DRC9: variants seen among roughly 807,000 people sequenced by gnomAD.
DRC9 encodes the protein dynein regulatory complex subunit 9.
At chr3:197,945,663 A>G in the DRC9 span, 1 of 1,541,694 alleles carries the variant, frequency 6.5e-7, no homozygotes, top group Non-Finnish European at 8.8e-7. Flanking sequence ...TGGTATATTT[A>G]TAATCTCACA....
chr3:197,908,479 A>C, the DRC9 span, among the ~76,000 whole-genome samples: 1 of 148,910 alleles, frequency 6.7e-6, no homozygotes, highest in African/African-American at 2.5e-5. Context: ...TCCCAGATGA[A>C]GTTATCACAG....
chr3:197,921,926 A>G, the DRC9 span, among the ~76,000 whole-genome samples: 1 of 140,972 alleles, frequency 7.1e-6, no homozygotes, highest in African/African-American at 3.0e-5. Flanking sequence ...GTTTTCAGTA[A>G]CTCTGGGGAT....
chr3:197,956,252 C>G, the DRC9 span: 2 of 181,566 alleles, frequency 1.1e-5, no homozygotes, highest in African/African-American at 4.7e-5. Context: ...CCACACCTGC[C>G]AAGTGCTTTG....
chr3:197,910,045 G>T, the DRC9 span, among the ~76,000 whole-genome samples: 1 of 152,148 alleles, frequency 6.6e-6, no homozygotes, highest in Admixed American at 6.5e-5. Context: ...TTAGGTATAA[G>T]TATGTATATG....
the DRC9 span, among the ~76,000 whole-genome samples, chr3:197,941,943 T>G: frequency 6.6e-6 from 1 of 152,230 alleles, no homozygotes; most frequent in Non-Finnish European, 1.5e-5. Context: ...TTATTTTAAA[T>G]GCAGTGGAAG....
chr3:197,960,108 T>G, the DRC9 span: 2 of 868,082 alleles, frequency 2.3e-6, no homozygotes, highest in East Asian at 2.7e-5. Flanking sequence ...TGCGGCGAAC[T>G]TCTAGCGGGT....
At chr3:197,924,205 A>T in the DRC9 span, among the ~76,000 whole-genome samples, 1 of 151,624 alleles carries the variant, frequency 6.6e-6, no homozygotes, top group East Asian at 2.0e-4. Flanking sequence ...AAAATATTTT[A>T]AAAATTAGCT....
At chr3:197,950,227 T>G in the DRC9 span, 4 of 1,230,952 alleles carry the variant, frequency 3.2e-6, no homozygotes, top group Non-Finnish European at 4.0e-6. Context: ...TGGAGGTGAG[T>G]GAAGGGTCTG....
At chr3:197,896,994 A>AT in the DRC9 span, among the ~76,000 whole-genome samples, 3 of 152,236 alleles carry the variant, frequency 2.0e-5, no homozygotes, top group African/African-American at 7.2e-5. Context: ...GAACCGAACC[A>AT]TGTCAGATGG....
the DRC9 span, among the ~76,000 whole-genome samples, chr3:197,918,246 G>A: frequency 1.5e-5 from 2 of 132,830 alleles, no homozygotes; most frequent in East Asian, 2.3e-4. Context: ...ACCACACCCA[G>A]CTAATTTTTT....
chr3:197,891,522 A>T, the DRC9 span: 1 of 1,598,204 alleles, frequency 6.3e-7, no homozygotes, highest in Admixed American at 1.7e-5. Flanking sequence ...ACGATCTTCA[A>T]TGATGACCTG....
At chr3:197,944,700 G>A in the DRC9 span, among the ~76,000 whole-genome samples, 2 of 151,820 alleles carry the variant, frequency 1.3e-5, no homozygotes, top group Admixed American at 6.6e-5. Flanking sequence ...CGCCCACCTC[G>A]GCCTCCCAAA....
At chr3:197,932,762 G>T in the DRC9 span, among the ~76,000 whole-genome samples, 1 of 146,552 alleles carries the variant, frequency 6.8e-6, no homozygotes, top group African/African-American at 2.5e-5. Flanking sequence ...AGGAGTTTGA[G>T]ATCAGCTGGG....
chr3:197,921,550 T>C, the DRC9 span, among the ~76,000 whole-genome samples: 32 of 142,752 alleles, frequency 2.2e-4, no homozygotes, highest in Middle Eastern at 3.8e-3. Flanking sequence ...GGGATTTAAC[T>C]TGGTTTCGTC....
chr3:197,932,901 A>G, the DRC9 span, among the ~76,000 whole-genome samples: 1 of 140,252 alleles, frequency 7.1e-6, no homozygotes, highest in Admixed American at 7.7e-5. Context: ...TATATGTATT[A>G]TATATGTATT....
the DRC9 span, among the ~76,000 whole-genome samples, chr3:197,902,415 C>T: frequency 6.6e-6 from 1 of 151,876 alleles, no homozygotes; most frequent in African/African-American, 2.4e-5. Flanking sequence ...AGATATGTGA[C>T]GTTTTAGACA....
the DRC9 span, among the ~76,000 whole-genome samples, chr3:197,923,606 C>T: frequency 1.3e-5 from 2 of 152,046 alleles, no homozygotes; most frequent in Non-Finnish European, 2.9e-5. Context: ...TGGCAGGTGC[C>T]TGTAGTCCCA....
chr3:197,915,950 C>T, the DRC9 span, among the ~76,000 whole-genome samples: 2 of 151,684 alleles, frequency 1.3e-5, no homozygotes. Context: ...TTCGTCTTAA[C>T]CATGTAAGTA....
chr3:197,912,065 G>A, the DRC9 span, among the ~76,000 whole-genome samples: 1 of 151,654 alleles, frequency 6.6e-6, no homozygotes, highest in Non-Finnish European at 1.5e-5. Flanking sequence ...TTTTGAGACG[G>A]GGTCTCGCTC....
Sources: gnomAD v4.1 joint callset for allele counts (sites outside exome capture counted in the v4.1 genomes callset) on GRCh38, gnomAD v4.1.1 for gene constraint, MANE v1.5 for transcripts, NCBI Gene and HGNC (gene_info 2026-07-23, HGNC 2026-07-21) for gene names.